Variants in SMYD4 observed in about 807,000 individuals in gnomAD.
SMYD4 encodes the protein protein-lysine N-methyltransferase SMYD4.
SMYD4 carries 68 observed loss-of-function variants against 72.8 expected under a neutral mutation model. That is an observed-to-expected ratio of 0.93 (90% CI 0.77 to 1.14). SMYD4 has a LOEUF of 1.14. SMYD4 is among the 50% of genes most tolerant of loss of function. SMYD4 has a pLI of 0.00. For missense variants in SMYD4, 984 were observed against 1,003.7 expected (o/e 0.98, Z 0.27); for synonymous variants, 407 against 388.6 (o/e 1.05, Z -0.56).
chr17:1,824,889 C>G (rs961260528), intron 2 of SMYD4, among the ~76,000 whole-genome samples: 2 of 151,972 alleles, frequency 1.3e-5, no homozygotes, highest in Non-Finnish European at 2.9e-5. Context: ...TCTCCCAAAG[C>G]GCTGCGATTA....
chr17:1,812,746 A>G (rs1910398636), intron 2 of SMYD4, among the ~76,000 whole-genome samples: 2 of 150,946 alleles, frequency 1.3e-5, no homozygotes, highest in African/African-American at 2.4e-5. Flanking sequence ...AAAGCATTTC[A>G]CCATGTTAGC....
chr17:1,781,518 G>T (rs1908363207), intron 10 of SMYD4, 79 bp from the exon 11 acceptor site: 1 of 1,481,414 alleles, frequency 6.8e-7, no homozygotes, highest in Admixed American at 2.1e-5. Context: ...CACACACCGT[G>T]AAGAATGTAA....
chr17:1,799,850 C>A lies in SMYD4; in HGVS notation c.1537+7G>T. 1 of 1,570,898 alleles carries A rather than the reference C, an allele frequency of 6.4e-7. No individual in the cohort carries two copies. Among genetic ancestry groups the A allele is most frequent in the South Asian group, 1.2e-5 (1 of 86,310 alleles). The stretch of plus-strand genomic sequence containing the variant: ...TTGAAAAGCAGGAACATCAGGTTCC[C>A]TCTTACCTGTGTGTTGTATGGTGGT... On this transcript the variant is annotated splice_region_variant and intron_variant, in intron 5 of 10. Transcript: ENST00000305513.
intron 2 of SMYD4, among the ~76,000 whole-genome samples, chr17:1,826,571 T>C (rs1328314265): frequency 6.6e-6 from 1 of 151,168 alleles, no homozygotes; most frequent in East Asian, 1.9e-4. Flanking sequence ...ACCCTAACTG[T>C]ACCGAGTATC....
chr17:1,797,196 TAG>T (rs1238009535), intron 5 of SMYD4, among the ~76,000 whole-genome samples: 2 of 152,220 alleles, frequency 1.3e-5, no homozygotes, highest in African/African-American at 2.4e-5. Context: ...GCTAAGCATG[TAG>T]AGTTTAGTGA....
At position 1,797,539 on chromosome 17, in the gene SMYD4, A is replaced by G. The variant is rs550033933; in HGVS notation, c.1537+2318T>C. Among the ~76,000 whole-genome samples the G allele has an allele frequency of 7.2e-4, 110 of 152,348 alleles. 3 individuals are homozygous for G. In the South Asian group the frequency reaches 0.022, roughly 31 times the overall value. ...AGGCTGAGCCAGCTCGTCTGTGTTT[A>G]GAGGTGGCCCCTTGAGGTTTGGCCA... On this transcript the variant is annotated intron_variant, in intron 5 of 10. Coordinates refer to ENST00000305513, the MANE Select transcript of SMYD4 (RefSeq NM_052928.3).
intron 8 of SMYD4, chr17:1,783,694 C>A: frequency 1.5e-6 from 1 of 687,462 alleles, no homozygotes; most frequent in East Asian, 2.8e-5. Context: ...GGCCTCCCCA[C>A]ATTTACACTG....
At chr17:1,816,742 C>T (rs1022487722) in intron 2 of SMYD4, among the ~76,000 whole-genome samples, 9 of 151,972 alleles carry the variant, frequency 5.9e-5, no homozygotes, top group African/African-American at 2.2e-4. Flanking sequence ...GCACAATGAT[C>T]GCACACTATG....
intron 4 of SMYD4, among the ~76,000 whole-genome samples, chr17:1,802,627 G>A (rs1304421855): frequency 1.3e-5 from 2 of 152,216 alleles, no homozygotes; most frequent in Non-Finnish European, 2.9e-5. Context: ...AGGGTCAAGG[G>A]TTAGATTCCT....
At chr17:1,822,827 G>A (rs1206643504) in intron 2 of SMYD4, among the ~76,000 whole-genome samples, 1 of 151,988 alleles carries the variant, frequency 6.6e-6, no homozygotes, top group Non-Finnish European at 1.5e-5. Context: ...GAATGTAATT[G>A]GGGGGAAAAG....
chr17:1,792,042 ATTTTT>A (rs66773474), intron 5 of SMYD4, among the ~76,000 whole-genome samples: 1 of 143,180 alleles, frequency 7.0e-6, no homozygotes, highest in Non-Finnish European at 1.5e-5. Flanking sequence ...CCTAAAATAC[ATTTTT>A]TTTTTTTTTG....
At chr17:1,789,741 GGT>G (rs1908916062) in intron 5 of SMYD4, among the ~76,000 whole-genome samples, 1 of 128,040 alleles carries the variant, frequency 7.8e-6, no homozygotes, top group Non-Finnish European at 1.6e-5. Context: ...CTCCAGCCTG[GGT>G]GAAAGAGCGA....
intron 2 of SMYD4, among the ~76,000 whole-genome samples, chr17:1,821,449 G>A (rs1910886644): frequency 6.6e-6 from 1 of 152,122 alleles, no homozygotes. Flanking sequence ...AGGAGGCGGA[G>A]GCTGCTGTGA....
In SMYD4 at chr17:1,780,776, C is replaced by T. The variant is rs1301122024; in HGVS notation, c.*510G>A. Reference sequence around the variant, plus strand: ...AGCTGTGAATACAGGCGTCCGCCACCACGCCCGACTAATTTTTTTGTATTT... The same window carrying T: ...AGCTGTGAATACAGGCGTCCGCCACTACGCCCGACTAATTTTTTTGTATTT... On this transcript the variant is annotated 3_prime_UTR_variant, in exon 11 of 11. Transcript: ENST00000305513. 1.3e-5 allele frequency: 2 copies of T among 152,784 alleles called. No individual in the cohort carries two copies. Among genetic ancestry groups the T allele is most frequent in the Non-Finnish European group, 2.9e-5 (2 of 68,712 alleles). The allele number at this position is 152,784 out of a possible 1,614,324, so 9.5% of individuals were successfully genotyped here.
Position 1,783,415 on chromosome 17 carries a change from C to T in SMYD4, c.2082G>A (p.Glu694=), listed in dbSNP as rs1313876695. ...CCGCGATCTCTCCCACCACGGCGTGCTCTGCCCACAGGAAGCTCTCGGCGT... is the reference window on the plus strand; with the variant it reads ...CCGCGATCTCTCCCACCACGGCGTGTTCTGCCCACAGGAAGCTCTCGGCGT... ...QRDAESFLWA[E]HAVVGEIADG... is the part of the protein sequence containing the mutation. Residue 694 remains glutamate, a synonymous_variant, in exon 9 of 11, where the codon GAG becomes GAA. Coordinates refer to ENST00000305513, the MANE Select transcript of SMYD4 (RefSeq NM_052928.3). The T allele has an allele frequency of 6.2e-7, 1 of 1,612,962 alleles. No homozygotes were observed. Among genetic ancestry groups the T allele is most frequent in the Non-Finnish European group, 8.5e-7 (1 of 1,180,026 alleles).
At chr17:1,813,129 G>A (rs1366088080) in intron 2 of SMYD4, among the ~76,000 whole-genome samples, 1 of 152,076 alleles carries the variant, frequency 6.6e-6, no homozygotes, top group African/African-American at 2.4e-5. Context: ...AGTACAGGCA[G>A]GGTTTCACCA....
At position 1,783,346 on chromosome 17, in the gene SMYD4, G is replaced by A. The variant is rs766055528; in HGVS notation, c.2137+14C>T. Reference sequence around the variant, plus strand: ...GACTGTTCCCGACGCAGAACGTGAAGGCTCATGCTGTACCTAAGGCAGCAC... The same window carrying A: ...GACTGTTCCCGACGCAGAACGTGAAAGCTCATGCTGTACCTAAGGCAGCAC... On this transcript the variant is annotated intron_variant, in intron 9 of 10. Coordinates refer to ENST00000305513, the MANE Select transcript of SMYD4 (RefSeq NM_052928.3). 4 of 1,612,038 alleles carry A rather than the reference G, an allele frequency of 2.5e-6. No individual in the cohort carries two copies. Among genetic ancestry groups the A allele is most frequent in the Admixed American group, 3.3e-5 (2 of 60,016 alleles).
chr17:1,804,746 A>C, intron 3 of SMYD4, 31 bp from the exon 4 acceptor site: 1 of 1,597,642 alleles, frequency 6.3e-7, no homozygotes, highest in Non-Finnish European at 8.6e-7. Flanking sequence ...TAAAAGTATA[A>C]ATGGACACCA....
intron 2 of SMYD4, among the ~76,000 whole-genome samples, chr17:1,823,612 G>C (rs1012902141): frequency 6.6e-6 from 1 of 152,128 alleles, no homozygotes; most frequent in East Asian, 1.9e-4. Flanking sequence ...GTAAATCTCA[G>C]TGGGGAATCC....
Sources: gnomAD v4.1 joint callset for allele counts (sites outside exome capture counted in the v4.1 genomes callset) on GRCh38, gnomAD v4.1.1 for gene constraint, MANE v1.5 for transcripts, NCBI Gene and HGNC (gene_info 2026-07-23, HGNC 2026-07-21) for gene names.